RIMS1: variants seen among roughly 807,000 people sequenced by gnomAD.
RIMS1 encodes regulating synaptic membrane exocytosis protein 1.
In RIMS1, 83 loss-of-function variants were observed where a neutral mutation model predicts 214.1. That is an observed-to-expected ratio of 0.39 (90% CI 0.32 to 0.47). The LOEUF is 0.47. Ranked by LOEUF, RIMS1 falls within the 20% of genes least tolerant of loss-of-function variation. The pLI, the probability that RIMS1 is intolerant of heterozygous loss-of-function variation, is 0.99. For synonymous variants in RIMS1, 793 were observed against 786.8 expected (o/e 1.01, Z -0.13); for missense variants, 2,050 against 2,161.8 (o/e 0.95, Z 1.03).
At chr6:72,086,157 A>T (rs1834609863) in intron 2 of RIMS1, among the ~76,000 whole-genome samples, 1 of 152,184 alleles carries the variant, frequency 6.6e-6, no homozygotes, top group South Asian at 2.1e-4. Flanking sequence ...CTTGGTTTTA[A>T]GCTTGTACAA....
At chr6:72,363,782 C>T (rs1264470083) in intron 29 of RIMS1, among the ~76,000 whole-genome samples, 1 of 152,208 alleles carries the variant, frequency 6.6e-6, no homozygotes, top group African/African-American at 2.4e-5. Context: ...TCCCTAAATA[C>T]AGGCATTTCA....
At position 72,400,952 on chromosome 6, in the gene RIMS1, C is replaced by G. The variant is rs944508642; in HGVS notation, c.*238C>G. 23 of 488,422 alleles carry G rather than the reference C, an allele frequency of 4.7e-5. No homozygotes were observed. The highest frequency in any genetic ancestry group is 3.0e-4 in the Admixed American group (9 of 29,632). The allele number at this position is 488,422 out of a possible 1,614,324, so 30.3% of individuals were successfully genotyped here. A position where few individuals can be genotyped will look rare whatever the true frequency, so the allele number is the denominator to read the frequency against. Reference sequence around the variant, plus strand: ...ATGCTGGTGAGAGTCACTGATGCTTCTAACAAATAGAAAAAGAGGAAACTT... The same window carrying G: ...ATGCTGGTGAGAGTCACTGATGCTTGTAACAAATAGAAAAAGAGGAAACTT... On this transcript the variant is annotated 3_prime_UTR_variant, in exon 34 of 34. Coordinates refer to ENST00000521978, the MANE Select transcript of RIMS1 (RefSeq NM_014989.7).
At chr6:71,902,219 A>G (rs1276302835) in intron 1 of RIMS1, among the ~76,000 whole-genome samples, 3 of 152,110 alleles carry the variant, frequency 2.0e-5, no homozygotes, top group African/African-American at 7.2e-5. Flanking sequence ...TTCTGTAAGT[A>G]GGAGTTGGCT....
chr6:72,215,180 A>G (rs1035090347), intron 6 of RIMS1, among the ~76,000 whole-genome samples: 3 of 152,194 alleles, frequency 2.0e-5, no homozygotes, highest in African/African-American at 7.2e-5. Flanking sequence ...AGACCATGCC[A>G]TCTGTATGTC....
intron 31 of RIMS1, among the ~76,000 whole-genome samples, chr6:72,394,869 G>T (rs1036936140): frequency 2.6e-5 from 4 of 151,892 alleles, no homozygotes; most frequent in Non-Finnish European, 5.9e-5. Flanking sequence ...AAATGGAAAT[G>T]ATTCAACTAA....
At chr6:71,970,414 C>A (rs1162095716) in intron 2 of RIMS1, among the ~76,000 whole-genome samples, 2 of 152,110 alleles carry the variant, frequency 1.3e-5, no homozygotes, top group Non-Finnish European at 2.9e-5. Context: ...AATTCAAATT[C>A]TTTGAGGAAT....
chr6:72,187,641 G>A (rs62410367), intron 6 of RIMS1, among the ~76,000 whole-genome samples: 26,763 of 151,532 alleles, frequency 0.18, 2,927 homozygotes, highest in Non-Finnish European at 0.23. Flanking sequence ...CTGTAGGTGC[G>A]TACCACCATA....
chr6:72,278,453 C>A (rs535646458), intron 23 of RIMS1, among the ~76,000 whole-genome samples: 35 of 152,106 alleles, frequency 2.3e-4, no homozygotes, highest in African/African-American at 8.2e-4. Context: ...CAAGTGATTT[C>A]TTTTGATTTA....
rs552370642 is a variant in RIMS1 at position 72,196,342 on chromosome 6, C to T, written c.1678+13193C>T. Among the ~76,000 whole-genome samples, 214 of 146,426 alleles carry T rather than the reference C, an allele frequency of 1.5e-3. 2 individuals are homozygous for T. Among genetic ancestry groups the T allele is most frequent in the Non-Finnish European group, 2.9e-3 (188 of 65,552 alleles). On this transcript the variant is annotated intron_variant, in intron 6 of 33. Coordinates refer to ENST00000521978, the MANE Select transcript of RIMS1 (RefSeq NM_014989.7). The stretch of plus-strand genomic sequence containing the variant: ...AATGCCATGAATGCAAGGACCATGG[C>T]TATTTCCTCTGTCTGTCTGTCTGTC...
At chr6:72,264,790 C>A (rs1363978500) in intron 19 of RIMS1, among the ~76,000 whole-genome samples, 185 bp from the exon 20 acceptor site, 1 of 151,928 alleles carries the variant, frequency 6.6e-6, no homozygotes, top group African/African-American at 2.4e-5. Flanking sequence ...AGTCAAGTGT[C>A]TATGATTTCA....
chr6:72,307,310 A>T lies in RIMS1; in HGVS notation c.3903A>T (p.Arg1301=). 1 of 1,606,446 alleles carries T rather than the reference A, an allele frequency of 6.2e-7. No homozygotes were observed. The highest frequency in any genetic ancestry group is 8.5e-7 in the Non-Finnish European group (1 of 1,176,466). ...GACAGATGAAAATGAAAGTGCATCGATTTAAGCAGACAACAGGGTCTGGTT... is the reference window on the plus strand; with the variant it reads ...GACAGATGAAAATGAAAGTGCATCGTTTTAAGCAGACAACAGGGTCTGGTT... ...RTRQMKMKVH[R]FKQTTGSGSS... The change falls in exon 27 of 34, where the codon CGA becomes CGT. Residue 1301 remains arginine, a synonymous_variant. Coordinates refer to ENST00000521978, the MANE Select transcript of RIMS1 (RefSeq NM_014989.7).
chr6:72,112,886 G>A (rs2036392424), intron 4 of RIMS1, among the ~76,000 whole-genome samples: 1 of 152,148 alleles, frequency 6.6e-6, no homozygotes, highest in African/African-American at 2.4e-5. Flanking sequence ...CAACAAACTT[G>A]CCTGGCACAG....
At chr6:72,223,289 C>G (rs1035962483) in intron 6 of RIMS1, among the ~76,000 whole-genome samples, 4 of 152,100 alleles carry the variant, frequency 2.6e-5, no homozygotes, top group Non-Finnish European at 5.9e-5. Context: ...AAAGTAATAC[C>G]TGCACATCAG....
intron 4 of RIMS1, among the ~76,000 whole-genome samples, chr6:72,169,614 C>T (rs1477059289): frequency 6.6e-6 from 1 of 152,072 alleles, no homozygotes. Context: ...TATTAAAACC[C>T]AAGTTATATC....
intron 4 of RIMS1, among the ~76,000 whole-genome samples, chr6:72,100,700 A>G (rs748508512): frequency 6.6e-6 from 1 of 151,928 alleles, no homozygotes; most frequent in Admixed American, 6.6e-5. Context: ...TTACACCTTC[A>G]TTTGGTGTAA....
At chr6:72,396,442 C>T (rs956446795) in intron 31 of RIMS1, among the ~76,000 whole-genome samples, 2 of 152,044 alleles carry the variant, frequency 1.3e-5, no homozygotes, top group African/African-American at 4.8e-5. Flanking sequence ...ATGGCAGCAT[C>T]TAGTAAAAAT....
At chr6:71,999,414 T>A (rs866714274) in intron 2 of RIMS1, among the ~76,000 whole-genome samples, 38 of 152,088 alleles carry the variant, frequency 2.5e-4, no homozygotes, top group African/African-American at 7.7e-4. Context: ...GTTGGTGGGA[T>A]GAACAAAAAA....
intron 4 of RIMS1, among the ~76,000 whole-genome samples, chr6:72,107,178 T>C (rs2034928964): frequency 1.3e-5 from 2 of 152,138 alleles, no homozygotes; most frequent in South Asian, 4.1e-4. Context: ...TTCTGGCAGG[T>C]AAGGAAAGAA....
intron 26 of RIMS1, among the ~76,000 whole-genome samples, chr6:72,292,860 G>A (rs189531420): frequency 6.6e-6 from 1 of 152,112 alleles, no homozygotes; most frequent in African/African-American, 2.4e-5. Flanking sequence ...TTACTTTTAA[G>A]ATATTTATTA....
Sources: gnomAD v4.1 joint callset for allele counts (sites outside exome capture counted in the v4.1 genomes callset) on GRCh38, gnomAD v4.1.1 for gene constraint, MANE v1.5 for transcripts, NCBI Gene and HGNC (gene_info 2026-07-23, HGNC 2026-07-21) for gene names.